The following SLC45A1 variants were observed in gnomAD, a reference collection of about 807,000 sequenced individuals.
SLC45A1 encodes solute carrier family 45 member 1.
Under a neutral mutation model 57.6 loss-of-function variants are expected in SLC45A1, and 28 were observed. That is an observed-to-expected ratio of 0.49 (90% confidence interval 0.36 to 0.67). The LOEUF is 0.67. Among genes scored for constraint, SLC45A1 ranks in the 30% least tolerant of loss-of-function variants. The pLI is 0.00. For synonymous variants in SLC45A1, 459 were observed against 471.5 expected (o/e 0.97, Z 0.34); for missense variants, 814 against 1,041.5 (o/e 0.78, Z 3.01).
chr1:8,319,388 G>A (rs11121162), intron 1 of SLC45A1, among the ~76,000 whole-genome samples: 80,104 of 152,096 alleles, frequency 0.53, 21,962 homozygotes, highest in East Asian at 0.76. Flanking sequence ...AATGGTTTCC[G>A]CTCGTAGTAG....
At chr1:8,336,874 G>A (rs545523253) in intron 6 of SLC45A1, among the ~76,000 whole-genome samples, 7 of 152,092 alleles carry the variant, frequency 4.6e-5, no homozygotes, top group East Asian at 1.9e-4. Flanking sequence ...AAGCACTTCC[G>A]CCAGCACATC....
chr1:8,338,826 T>C (rs1640709771), intron 7 of SLC45A1, among the ~76,000 whole-genome samples: 2 of 152,234 alleles, frequency 1.3e-5, no homozygotes, highest in African/African-American at 4.8e-5. Context: ...GACTTCGCCT[T>C]CGATCCATAA....
chr1:8,322,210 GA>G (rs1207007191), intron 1 of SLC45A1, among the ~76,000 whole-genome samples: 1 of 139,838 alleles, frequency 7.2e-6, no homozygotes, highest in African/African-American at 2.7e-5. Context: ...TGGGTGGATG[GA>G]TGGGTGGATG....
chr1:8,325,882 G>A lies in SLC45A1; in HGVS notation c.555G>A (p.Val185=). 1 of 1,614,044 alleles carries A rather than the reference G, an allele frequency of 6.2e-7. No individual in the cohort carries two copies. The change falls in exon 4 of 9, where the codon GTG becomes GTA. Residue 185 remains valine (V), a synonymous_variant. Coordinates refer to ENST00000471889, the MANE Select transcript of SLC45A1 (RefSeq NM_001080397.3). This position sits in a 1 kb window ranked among gnomAD's most constrained non-coding sequence, Gnocchi z 6.3. ...GRDIGIALAD[V]TGNHKWGLLL... Reference sequence around the variant, plus strand: ...ACATTGGCATCGCCCTGGCTGACGTGACCGGGAACCACAAGTGGGGCCTGC... The same window carrying A: ...ACATTGGCATCGCCCTGGCTGACGTAACCGGGAACCACAAGTGGGGCCTGC...
intron 1 of SLC45A1, among the ~76,000 whole-genome samples, chr1:8,320,216 T>A (rs1226019291): frequency 1.3e-5 from 2 of 152,126 alleles, no homozygotes; most frequent in Non-Finnish European, 2.9e-5. Flanking sequence ...TGTGTGAGGA[T>A]CTCCCTTCTG....
chr1:8,338,008 C>G lies in SLC45A1; in HGVS notation c.1774+16C>G. 1 of 1,610,518 alleles carries G rather than the reference C, an allele frequency of 6.2e-7. No individual in the cohort carries two copies. Among genetic ancestry groups the G allele is most frequent in the Non-Finnish European group, 8.5e-7 (1 of 1,178,420 alleles). ...TTCTACTCAGGTACCCGCTGCCAGC[C>G]AGGCTGGCACGGCAGTGAGAGCTTT... is the stretch of plus-strand genomic sequence containing the variant. On this transcript the variant is annotated intron_variant, in intron 7 of 8. Coordinates refer to ENST00000471889, the MANE Select transcript of SLC45A1 (RefSeq NM_001080397.3).
At position 8,335,429 on chromosome 1, in the gene SLC45A1, C is replaced by T. The variant is rs1336302931; in HGVS notation, c.1444-8C>T. The stretch of plus-strand genomic sequence containing the variant: ...GGCTCTGATGAGGGGTTTGTGGGCT[C>T]TTCCCAGGTGGCCAATATCCTGCTC... On this transcript the variant is annotated splice_region_variant and splice_polypyrimidine_tract_variant and intron_variant, in intron 5 of 8. Coordinates refer to ENST00000471889, the MANE Select transcript of SLC45A1 (RefSeq NM_001080397.3). This position sits in a 1 kb window ranked among gnomAD's most constrained non-coding sequence, Gnocchi z 4.1. The T allele has an allele frequency of 2.5e-6, 4 of 1,581,334 alleles. No homozygotes were observed. Among genetic ancestry groups the T allele is most frequent in the Admixed American group, 1.7e-5 (1 of 58,464 alleles).
Position 8,324,569 on chromosome 1 carries a change from C to G in SLC45A1, c.240C>G (p.Pro80=), listed in dbSNP as rs1240325784. 2 of 1,613,202 alleles carry G rather than the reference C, an allele frequency of 1.2e-6. No individual in the cohort carries two copies. Among genetic ancestry groups the G allele is most frequent in the South Asian group, 2.2e-5 (2 of 91,034 alleles). ...LELVDFGDLH[P]QRSFRELLFN... ...TGGTGGACTTCGGGGACCTGCACCC[C>G]CAGAGGTCCTTCCGGGAGCTGCTTT... The change falls in exon 2 of 9, where the codon CCC becomes CCG. Residue 80 remains proline (P), a synonymous_variant. Transcript: ENST00000471889.
At chr1:8,334,000 G>A (rs567378476) in intron 5 of SLC45A1, among the ~76,000 whole-genome samples, 9 of 152,340 alleles carry the variant, frequency 5.9e-5, no homozygotes, top group Admixed American at 2.6e-4. Flanking sequence ...TTTTCTAATC[G>A]CTCAGGTTGA....
chr1:8,324,902 T>G (rs1640150193), intron 2 of SLC45A1, among the ~76,000 whole-genome samples, 176 bp downstream of exon 2: 1 of 152,122 alleles, frequency 6.6e-6, no homozygotes, highest in Admixed American at 6.5e-5. Context: ...TTTAAGTTCC[T>G]TATCGAAAGC....
In SLC45A1 at chr1:8,335,530, T is replaced by A. The variant is rs1257405186; in HGVS notation, c.1537T>A (p.Cys513Ser). The A allele has an allele frequency of 1.2e-6, 2 of 1,605,936 alleles. No individual in the cohort carries two copies. Among genetic ancestry groups the A allele is most frequent in the Non-Finnish European group, 1.7e-6 (2 of 1,179,730 alleles). Residue 513 changes from cysteine to serine, a missense_variant, in exon 6 of 9, where the codon TGC becomes AGC. Physicochemically the swap from Cys to Ser is moderately radical, Grantham distance 112. Transcript: ENST00000471889. The surrounding 1 kb of genome is among the most constrained non-coding windows in gnomAD (Gnocchi z 4.1). ...AEQPLSVGRLCSTICNMPKAL... is the reference protein window; with the variant it reads ...AEQPLSVGRLSSTICNMPKAL... ...GCAGCCTCTGTCCGTGGGGCGCCTC[T>A]GCTCCACCATCTGCAACATGCCCAA...
chr1:8,331,816 G>A (rs573233944), intron 5 of SLC45A1, among the ~76,000 whole-genome samples: 122 of 141,254 alleles, frequency 8.6e-4, no homozygotes, highest in African/African-American at 2.9e-3. Flanking sequence ...TTTTTGAGAC[G>A]GAGTCTCACT....
In SLC45A1 at chr1:8,321,746, TG is replaced by T. The variant is rs569167473; in HGVS notation, c.-24-2558del. ...GTGGAAGAACGGGTCGGTGGATGTG[TG>T]GATAGTTTTTGGATAGACAGATGAA... On this transcript the variant is annotated intron_variant, in intron 1 of 8. Coordinates refer to ENST00000471889, the MANE Select transcript of SLC45A1 (RefSeq NM_001080397.3). Among the ~76,000 whole-genome samples, 435 of 151,588 alleles carry T rather than the reference TG, an allele frequency of 2.9e-3. 3 individuals are homozygous for T. The highest frequency in any genetic ancestry group is 0.01 in the African/African-American group (414 of 41,242).
intron 5 of SLC45A1, among the ~76,000 whole-genome samples, chr1:8,334,993 T>C (rs779958694): frequency 6.6e-6 from 1 of 152,024 alleles, no homozygotes; most frequent in Non-Finnish European, 1.5e-5. Flanking sequence ...GTGGTGGGGG[T>C]TCCACCTGTC....
chr1:8,339,362 G>A, intron 7 of SLC45A1, 131 bp from the exon 8 acceptor site: 1 of 806,758 alleles, frequency 1.2e-6, no homozygotes, highest in Non-Finnish European at 2.0e-6. Flanking sequence ...TTTCTGGTCT[G>A]GGGCAAGTGA....
chr1:8,329,910 C>T (rs767613669), intron 4 of SLC45A1, among the ~76,000 whole-genome samples: 6 of 152,178 alleles, frequency 3.9e-5, no homozygotes, highest in South Asian at 4.1e-4. Context: ...TGAAAGGTTA[C>T]GGGGAAAGTG....
At chr1:8,342,344 C>T (rs1038576282) in intron 8 of SLC45A1, among the ~76,000 whole-genome samples, 9 of 152,208 alleles carry the variant, frequency 5.9e-5, no homozygotes, top group Non-Finnish European at 1.3e-4. Context: ...TTTCAGCACA[C>T]GCAGAGTTGT....
chr1:8,339,555 G>T lies in SLC45A1; in HGVS notation c.1837G>T (p.Ala613Ser), dbSNP rs137886923. The T allele has an allele frequency of 9.3e-6, 15 of 1,614,214 alleles. No homozygotes were observed. Among genetic ancestry groups the T allele is most frequent in the Non-Finnish European group, 1.3e-5 (15 of 1,180,030 alleles). Residue 613 changes from alanine (A) to serine (S), a missense_variant, in exon 8 of 9, where the codon GCC becomes TCC. Physicochemically the swap from Ala to Ser is moderately conservative, Grantham distance 99 (BLOSUM62 1). Transcript: ENST00000471889. ...CACCCTCTACTTCATCGCCTATCTC[G>T]CCTTCGGCCTGGGGACCGGGCTTGC... ...VRTLYFIAYL[A>S]FGLGTGLATL... is the part of the protein sequence containing the mutation.
At chr1:8,334,756 T>C (rs4908753) in intron 5 of SLC45A1, among the ~76,000 whole-genome samples, 20,609 of 152,192 alleles carry the variant, frequency 0.14, 1,574 homozygotes, top group Middle Eastern at 0.2. Flanking sequence ...GACCAGAGTC[T>C]GTACCCCAAA....
Sources: gnomAD v4.1 joint callset for allele counts (sites outside exome capture counted in the v4.1 genomes callset) on GRCh38, gnomAD v4.1.1 for gene constraint, Gnocchi (gnomAD v3.1) non-coding constraint, MANE v1.5 for transcripts, NCBI Gene and HGNC (gene_info 2026-07-23, HGNC 2026-07-21) for gene names.